SEMA3E: variants seen among roughly 807,000 people sequenced by gnomAD.
The protein encoded by SEMA3E is semaphorin 3E.
SEMA3E carries 49 observed loss-of-function variants against 93.6 expected under a neutral mutation model. The ratio of observed to expected loss-of-function variants is 0.52; its 90% CI spans 0.42 to 0.66. The LOEUF is 0.66. SEMA3E is among the 30% of genes least tolerant of loss of function. The pLI is 0.00. For missense variants in SEMA3E, 906 were observed against 964.8 expected, an observed-to-expected ratio of 0.94 and a Z score of 0.81; for synonymous variants, 363 against 330.7, an observed-to-expected ratio of 1.10 and a Z score of -1.06.
At chr7:83,545,552 G>GAA (rs3068645) in intron 1 of SEMA3E, among the ~76,000 whole-genome samples, 1 of 86,448 alleles carries the variant, frequency 1.2e-5, no homozygotes, top group African/African-American at 5.0e-5. Flanking sequence ...GAAGAGAAAT[G>GAA]AAAAAAAAAA....
At chr7:83,534,237 A>T (rs904118270) in intron 1 of SEMA3E, among the ~76,000 whole-genome samples, 1 of 152,148 alleles carries the variant, frequency 6.6e-6, no homozygotes. Context: ...TCTCATTTTT[A>T]AAAAAATACT....
At chr7:83,442,597 CTTTTCTT>C (rs1000127202) in intron 4 of SEMA3E, among the ~76,000 whole-genome samples, 6 of 152,014 alleles carry the variant, frequency 3.9e-5, no homozygotes, top group Non-Finnish European at 5.9e-5. Context: ...TTATTTTTCT[CTTTTCTT>C]TTTTCTACGT....
At chr7:83,481,961 A>G (rs1790153740) in intron 2 of SEMA3E, among the ~76,000 whole-genome samples, 1 of 152,146 alleles carries the variant, frequency 6.6e-6, no homozygotes, top group African/African-American at 2.4e-5. Context: ...GCATTTCACA[A>G]CCCTCATGCA....
Position 83,520,809 on chromosome 7 carries a change from G to A in SEMA3E, c.116-30535C>T, listed in dbSNP as rs570605142. 2.0e-5 allele frequency among the ~76,000 whole-genome samples: 3 copies of A among 152,262 alleles called. No homozygotes were observed. In the South Asian group the frequency reaches 6.2e-4, roughly 31 times the overall value. ...TTGGGGCTAGATTGTTGATCACACT[G>A]AATGGACAAGTTAATTTTTTTTGTA... On this transcript the variant is annotated intron_variant, in intron 1 of 16. Transcript: ENST00000643230.
chr7:83,483,226 G>A (rs1007218986), intron 2 of SEMA3E, among the ~76,000 whole-genome samples: 3 of 152,070 alleles, frequency 2.0e-5, no homozygotes, highest in African/African-American at 7.2e-5. Flanking sequence ...AGTAGTAGTA[G>A]TATCTGCGGT....
At chr7:83,572,879 G>C (rs775943591) in intron 1 of SEMA3E, among the ~76,000 whole-genome samples, 7 of 151,980 alleles carry the variant, frequency 4.6e-5, no homozygotes, top group Non-Finnish European at 2.9e-5. Context: ...ACTCAAGATA[G>C]ATTAAAGATT....
intron 2 of SEMA3E, among the ~76,000 whole-genome samples, chr7:83,472,580 G>A (rs182820441): frequency 4.0e-4 from 61 of 152,216 alleles, no homozygotes; most frequent in African/African-American, 1.3e-3. Context: ...AAGTTCCCTC[G>A]GAATTTCAAG....
intron 1 of SEMA3E, among the ~76,000 whole-genome samples, chr7:83,491,687 TA>T (rs1432252652): frequency 6.6e-6 from 1 of 152,012 alleles, no homozygotes; most frequent in African/African-American, 2.4e-5. Context: ...TATGTATAGG[TA>T]AAACATATAG....
At chr7:83,438,185 ATTTTTT>A (rs1789042666) in intron 4 of SEMA3E, among the ~76,000 whole-genome samples, 1 of 152,044 alleles carries the variant, frequency 6.6e-6, no homozygotes, top group Admixed American at 6.6e-5. Flanking sequence ...CCTGTGTTTT[ATTTTTT>A]TAAGTCAAAT....
chr7:83,545,670 C>CCT (rs1791632959), intron 1 of SEMA3E, among the ~76,000 whole-genome samples: 1 of 150,742 alleles, frequency 6.6e-6, no homozygotes, highest in East Asian at 1.9e-4. Flanking sequence ...GGCTCTCTTG[C>CCT]CTCTACTGGG....
chr7:83,556,809 T>C (rs912818584), intron 1 of SEMA3E, among the ~76,000 whole-genome samples: 1 of 152,160 alleles, frequency 6.6e-6, no homozygotes, highest in Non-Finnish European at 1.5e-5. Context: ...GTCATGAGGG[T>C]TCTGCCCTCA....
At chr7:83,424,797 G>C (rs1318323578) in intron 4 of SEMA3E, 1 of 165,264 alleles carries the variant, frequency 6.1e-6, no homozygotes. Flanking sequence ...TTTGATAAAA[G>C]CAGAAAGCCA....
In SEMA3E at chr7:83,435,648, CTATT is replaced by C. The variant is rs1467784919; in HGVS notation, c.457-17169_457-17166del. Among the ~76,000 whole-genome samples, 10 of 151,930 alleles carry C rather than the reference CTATT, an allele frequency of 6.6e-5. No individual in the cohort carries two copies. In the East Asian group the frequency reaches 1.9e-3, roughly 29 times the overall value. On this transcript the variant is annotated intron_variant, in intron 4 of 16. Coordinates refer to ENST00000643230, the MANE Select transcript of SEMA3E (RefSeq NM_012431.3). Reference sequence around the variant, plus strand: ...AGAAAAGAAAAAAGAAAGACAGAAACTATTTAATTTTTAATTTATTCTTCAATAT... The same window carrying C: ...AGAAAAGAAAAAAGAAAGACAGAAACTAATTTTTAATTTATTCTTCAATAT...
intron 1 of SEMA3E, among the ~76,000 whole-genome samples, chr7:83,568,852 T>C (rs1431685173): frequency 6.6e-6 from 1 of 152,028 alleles, no homozygotes; most frequent in African/African-American, 2.4e-5. Flanking sequence ...CTAGTCAACA[T>C]AGTACTAAAA....
intron 4 of SEMA3E, among the ~76,000 whole-genome samples, chr7:83,456,591 C>CT (rs1789483005): frequency 1.1e-5 from 1 of 91,218 alleles, no homozygotes; most frequent in Admixed American, 1.3e-4. Flanking sequence ...TTTAACGACT[C>CT]TATTTTATTT....
intron 1 of SEMA3E, among the ~76,000 whole-genome samples, chr7:83,567,270 T>A (rs1444069207): frequency 2.0e-5 from 3 of 152,054 alleles, no homozygotes. Flanking sequence ...AAAACAAATA[T>A]TAGATGAAGG....
rs1373798060 is a variant in SEMA3E, at chr7:83,377,697, ATCT to A, written c.1875+7594_1875+7596del. 3.3e-5 allele frequency among the ~76,000 whole-genome samples: 5 copies of A among 152,124 alleles called. No homozygotes were observed. The East Asian group carries it at 9.6e-4, about 29-fold the overall frequency. On this transcript the variant is annotated intron_variant, in intron 16 of 16. Coordinates refer to ENST00000643230, the MANE Select transcript of SEMA3E (RefSeq NM_012431.3). ...AATTGAAGTGAGGAATTAGGTACTAATCTTCTGAGCAGCTTGAAGAAGCCATGG... is the reference window on the plus strand; with the variant it reads ...AATTGAAGTGAGGAATTAGGTACTAATCTGAGCAGCTTGAAGAAGCCATGG...
At chr7:83,494,964 G>T (rs1012250042) in intron 1 of SEMA3E, among the ~76,000 whole-genome samples, 2 of 151,890 alleles carry the variant, frequency 1.3e-5, no homozygotes, top group African/African-American at 4.8e-5. Context: ...ATGGTAAAAA[G>T]GGTGGTTTCT....
intron 7 of SEMA3E, 27 bp downstream of exon 7, chr7:83,407,070 C>G: frequency 6.2e-7 from 1 of 1,612,596 alleles, no homozygotes; most frequent in Non-Finnish European, 8.5e-7. Context: ...GTGAGATAAG[C>G]AAGCATAATG....
Sources: allele counts gnomAD v4.1 joint callset (sites outside exome capture counted in the v4.1 genomes callset), GRCh38; gene constraint gnomAD v4.1.1; transcripts MANE v1.5; gene names NCBI Gene and HGNC (gene_info 2026-07-23, HGNC 2026-07-21).